MYO5B: variants seen among roughly 807,000 people sequenced by gnomAD.
MYO5B encodes the protein unconventional myosin-Vb.
In MYO5B, 143 loss-of-function variants were observed where a neutral mutation model predicts 229.3. The observed-to-expected ratio is 0.62, with a 90% confidence interval of 0.54 to 0.72. The LOEUF (loss-of-function observed/expected upper bound fraction) is 0.72. MYO5B is among the 30% of genes least tolerant of loss of function. The pLI is 0.00. For synonymous variants in MYO5B, 918 were observed against 885.2 expected (o/e 1.04, Z -0.66); for missense variants, 2,321 against 2,331.0 (o/e 1.00, Z 0.09).
intron 5 of MYO5B, among the ~76,000 whole-genome samples, chr18:49,993,790 C>T (rs961397415): frequency 2.6e-5 from 4 of 152,156 alleles, no homozygotes; most frequent in South Asian, 2.1e-4. Context: ...GTCAATTCTC[C>T]ACTCAATTGC....
intron 5 of MYO5B, among the ~76,000 whole-genome samples, chr18:50,001,025 T>C (rs2026040896): frequency 6.6e-6 from 1 of 151,798 alleles, no homozygotes; most frequent in South Asian, 2.1e-4. Context: ...TTCAGCAGAG[T>C]CAAGGGACAT....
chr18:50,036,573 G>C (rs1354215156), intron 4 of MYO5B, among the ~76,000 whole-genome samples: 1 of 152,208 alleles, frequency 6.6e-6, no homozygotes. Context: ...GGAAGTCAAA[G>C]AGAGATGAAA....
chr18:50,152,365 T>A (rs1379722659), intron 1 of MYO5B, among the ~76,000 whole-genome samples: 1 of 152,226 alleles, frequency 6.6e-6, no homozygotes, highest in Non-Finnish European at 1.5e-5. Context: ...TCTGGGATGA[T>A]CAGTTTGGGT....
At chr18:50,175,886 A>C (rs1357494645) in intron 1 of MYO5B, among the ~76,000 whole-genome samples, 3 of 152,262 alleles carry the variant, frequency 2.0e-5, no homozygotes, top group African/African-American at 7.2e-5. Flanking sequence ...CACCAAGCTA[A>C]GTCCACCTTC....
chr18:49,948,404 A>AT (rs35413728), intron 14 of MYO5B, among the ~76,000 whole-genome samples: 53,880 of 151,802 alleles, frequency 0.35, 10,640 homozygotes, highest in Middle Eastern at 0.58. Context: ...TCAGTACTTC[A>AT]TTTTTTTTGG....
rs143380858 is a variant in MYO5B, at chr18:49,841,893, A to G, written c.4612-439T>C. Among the ~76,000 whole-genome samples the G allele has an allele frequency of 8.8e-3, 1,346 of 152,284 alleles. 39 individuals are homozygous for G. In the South Asian group the frequency reaches 0.12, roughly 13 times the overall value. On this transcript the variant is annotated intron_variant, in intron 34 of 39. Coordinates refer to ENST00000285039, the MANE Select transcript of MYO5B (RefSeq NM_001080467.3). ...TAACAGCAAAATAGTTTGGTGTCCCATTTATCTAGATGTCAGATGCATCAT... is the reference window on the plus strand; with the variant it reads ...TAACAGCAAAATAGTTTGGTGTCCCGTTTATCTAGATGTCAGATGCATCAT...
At chr18:49,886,298 T>C (rs547376869) in intron 22 of MYO5B, among the ~76,000 whole-genome samples, 1 of 152,288 alleles carries the variant, frequency 6.6e-6, no homozygotes, top group Admixed American at 6.5e-5. Flanking sequence ...AATCTTTCTT[T>C]CCCTTCAATT....
chr18:50,106,775 C>A (rs61644566), intron 1 of MYO5B, among the ~76,000 whole-genome samples: 1 of 152,106 alleles, frequency 6.6e-6, no homozygotes, highest in African/African-American at 2.4e-5. Flanking sequence ...AGACCCAGTC[C>A]GTGAAAGGCA....
At chr18:49,903,520 C>T (rs1450176378) in intron 20 of MYO5B, among the ~76,000 whole-genome samples, 6 of 152,180 alleles carry the variant, frequency 3.9e-5, no homozygotes, top group African/African-American at 9.7e-5. Flanking sequence ...GAGCAGCACA[C>T]CAACGCCACC....
In MYO5B at chr18:49,837,822, A is replaced by G. The variant is rs1032363121; in HGVS notation, c.4853-20T>C. On this transcript the variant is annotated intron_variant, in intron 36 of 39. Transcript: ENST00000285039. ...CAGAAACTGAAATAAAAGCACAGTT[A>G]GAGAAGCTTGCATTCCCCACTAACA... The G allele has an allele frequency of 2.5e-6, 4 of 1,613,494 alleles. No individual in the cohort carries two copies. Among genetic ancestry groups the G allele is most frequent in the African/African-American group, 2.7e-5 (2 of 74,932 alleles).
intron 26 of MYO5B, among the ~76,000 whole-genome samples, chr18:49,873,105 A>T (rs1266805620): frequency 6.6e-6 from 1 of 152,258 alleles, no homozygotes; most frequent in African/African-American, 2.4e-5. Flanking sequence ...GCTGTCTGAC[A>T]TCAGAACTCC....
intron 4 of MYO5B, among the ~76,000 whole-genome samples, chr18:50,016,495 A>G (rs997988174): frequency 2.1e-4 from 32 of 152,198 alleles, no homozygotes; most frequent in African/African-American, 7.7e-4. Flanking sequence ...GATTCTTTAC[A>G]ATGTGTATTA....
At chr18:49,962,725 A>T (rs1451846415) in intron 11 of MYO5B, among the ~76,000 whole-genome samples, 1 of 151,878 alleles carries the variant, frequency 6.6e-6, no homozygotes, top group Non-Finnish European at 1.5e-5. Context: ...AGTCAAAGCC[A>T]AAGAGAAGAT....
At chr18:49,859,013 A>G (rs1308215062) in intron 29 of MYO5B, among the ~76,000 whole-genome samples, 1 of 152,222 alleles carries the variant, frequency 6.6e-6, no homozygotes, top group Admixed American at 6.5e-5. Flanking sequence ...TAAATCTACA[A>G]ATATTTCCAG....
chr18:50,122,646 A>AGGGAGGGAGGGAAGGGGGG (rs1568115372), intron 1 of MYO5B, among the ~76,000 whole-genome samples: 1 of 8,392 alleles, frequency 1.2e-4, no homozygotes, highest in Admixed American at 2.6e-3. Flanking sequence ...AGAGAGAGAG[A>AGGGAGGGAGGGAAGGGGGG]GAGAGAGAGA....
At chr18:50,140,015 A>C (rs1358243522) in intron 1 of MYO5B, among the ~76,000 whole-genome samples, 1 of 140,086 alleles carries the variant, frequency 7.1e-6, no homozygotes, top group Admixed American at 6.9e-5. Flanking sequence ...ATTACAAACA[A>C]CCTAGGGGGA....
At chr18:50,033,820 T>A (rs1036273090) in intron 4 of MYO5B, among the ~76,000 whole-genome samples, 6 of 152,036 alleles carry the variant, frequency 3.9e-5, no homozygotes, top group Non-Finnish European at 8.8e-5. Context: ...TTGGTGAATA[T>A]GACAGAGATA....
chr18:49,874,321 G>A (rs1240867692), intron 26 of MYO5B, among the ~76,000 whole-genome samples: 1 of 152,242 alleles, frequency 6.6e-6, no homozygotes, highest in Non-Finnish European at 1.5e-5. Flanking sequence ...GGAGCCTGGA[G>A]AATGAATCTT....
chr18:50,176,009 C>T (rs1468539391), intron 1 of MYO5B, among the ~76,000 whole-genome samples: 2 of 152,228 alleles, frequency 1.3e-5, no homozygotes, highest in East Asian at 3.8e-4. Context: ...CTCCTTTTCC[C>T]TAGACTATAA....
Sources: allele counts gnomAD v4.1 joint callset (sites outside exome capture counted in the v4.1 genomes callset), GRCh38; gene constraint gnomAD v4.1.1; transcripts MANE v1.5; gene names NCBI Gene and HGNC (gene_info 2026-07-23, HGNC 2026-07-21).